Variants in TANC2 observed in about 807,000 individuals in gnomAD.
TANC2 encodes the protein protein TANC2.
In TANC2, 26 loss-of-function variants were observed where a neutral mutation model predicts 210.5. That is an observed-to-expected ratio of 0.12 (90% CI 0.09 to 0.17). The LOEUF is 0.17. Among genes scored for constraint, TANC2 ranks in the 10% least tolerant of loss-of-function variants. The pLI is 1.00. For synonymous variants in TANC2, 931 were observed against 967.1 expected, an observed-to-expected ratio of 0.96 and a Z score of 0.69; for missense variants, 2,129 against 2,608.9, an observed-to-expected ratio of 0.82 and a Z score of 4.01.
In TANC2 at chr17:63,420,646, G is replaced by C; in HGVS notation, c.4916G>C (p.Arg1639Thr). ...CCAGCTGAAAGTATGAGTGTCTATA[G>C]ATCCCAGTCTGGTTCACCCGTGCGC... Residue 1639 changes from arginine to threonine, a missense_variant, in exon 28 of 28, where the codon AGA becomes ACA. By Grantham distance (71) the Arg-to-Thr change is moderately conservative. Around this residue, in one of 5 missense-constraint regions of TANC2, gnomAD observed 584 missense variants for 627.3 expected, o/e 0.93. Transcript: ENST00000689528. The surrounding 1 kb of genome is among the most constrained non-coding windows in gnomAD (Gnocchi z 4.2). 6.2e-7 allele frequency: 1 copy of C among 1,613,856 alleles called. No homozygotes were observed. Among genetic ancestry groups the C allele is most frequent in the Non-Finnish European group, 8.5e-7 (1 of 1,179,826 alleles).
chr17:63,071,027 T>C (rs939708133), intron 2 of TANC2, among the ~76,000 whole-genome samples: 1 of 152,214 alleles, frequency 6.6e-6, no homozygotes, highest in Non-Finnish European at 1.5e-5. Context: ...GTAATTCATA[T>C]ATCAGTGTCA....
intron 14 of TANC2, among the ~76,000 whole-genome samples, chr17:63,378,830 G>C (rs2047510479): frequency 6.6e-6 from 1 of 152,172 alleles, no homozygotes; most frequent in African/African-American, 2.4e-5. Flanking sequence ...GAAAGGGTAG[G>C]GGCTTGGTAG....
intron 9 of TANC2, among the ~76,000 whole-genome samples, chr17:63,279,241 C>T (rs1223502529): frequency 2.0e-5 from 3 of 152,060 alleles, no homozygotes; most frequent in Non-Finnish European, 4.4e-5. Context: ...GAGCAGAGTT[C>T]GTCATCAAGA....
At chr17:63,141,977 A>G (rs2039307335) in intron 4 of TANC2, among the ~76,000 whole-genome samples, 1 of 152,220 alleles carries the variant, frequency 6.6e-6, no homozygotes, top group Non-Finnish European at 1.5e-5. Flanking sequence ...AACAAGGCAA[A>G]GTGTGATGAT....
chr17:63,179,925 T>G (rs2040720731), intron 5 of TANC2, among the ~76,000 whole-genome samples: 1 of 146,506 alleles, frequency 6.8e-6, no homozygotes, highest in African/African-American at 2.5e-5. Context: ...TGCAAGAGGG[T>G]CAGGAATTCA....
Position 63,412,598 on chromosome 17 carries a change from T to G in TANC2, c.3899-82T>G. On this transcript the variant is annotated intron_variant, in intron 23 of 27. Coordinates refer to ENST00000689528, the Ensembl canonical transcript of TANC2. The surrounding 1 kb of genome is among the most constrained non-coding windows in gnomAD (Gnocchi z 4.2). ...TGTGCTGCCTGCCTCTCACTGCTGCTTTTTCCTTCTTTTTTTTTTTTTCAC... is the reference window on the plus strand; with the variant it reads ...TGTGCTGCCTGCCTCTCACTGCTGCGTTTTCCTTCTTTTTTTTTTTTTCAC... 2 of 1,364,818 alleles carry G rather than the reference T, an allele frequency of 1.5e-6. No individual in the cohort carries two copies. Among genetic ancestry groups the G allele is most frequent in the Non-Finnish European group, 2.0e-6 (2 of 995,350 alleles). 84.5% of individuals were successfully genotyped at this position (1,364,818 alleles called of 1,614,324 possible). A position where few individuals can be genotyped will look rare whatever the true frequency, so the allele number is the denominator to read the frequency against.
intron 11 of TANC2, among the ~76,000 whole-genome samples, chr17:63,321,279 T>G (rs1247682074): frequency 6.6e-6 from 1 of 152,246 alleles, no homozygotes; most frequent in Non-Finnish European, 1.5e-5. Flanking sequence ...TTTTGTTTTT[T>G]GGTTTTTTAA....
intron 4 of TANC2, among the ~76,000 whole-genome samples, chr17:63,138,325 A>G (rs1372509632): frequency 2.0e-5 from 3 of 152,158 alleles, no homozygotes; most frequent in African/African-American, 4.8e-5. Context: ...CTCTTGGCCT[A>G]CCCTAATACG....
chr17:63,267,987 A>G, intron 9 of TANC2, 114 bp downstream of exon 9: 1 of 1,212,604 alleles, frequency 8.2e-7, no homozygotes, highest in Non-Finnish European at 1.1e-6. Context: ...CTAAGAAGTG[A>G]AATGATCCAT....
chr17:63,156,428 A>C (rs993130407), intron 5 of TANC2, among the ~76,000 whole-genome samples: 1 of 152,164 alleles, frequency 6.6e-6, no homozygotes, highest in East Asian at 1.9e-4. Context: ...TGGAAAAAAA[A>C]AAAGCACCTG....
chr17:63,358,360 A>G (rs2046839676), intron 14 of TANC2, among the ~76,000 whole-genome samples: 1 of 139,440 alleles, frequency 7.2e-6, no homozygotes, highest in African/African-American at 2.8e-5. Flanking sequence ...AGTGAGAGAG[A>G]GAGAGAGAGA....
At chr17:63,092,899 C>T (rs751767068) in intron 3 of TANC2, among the ~76,000 whole-genome samples, 7 of 152,056 alleles carry the variant, frequency 4.6e-5, no homozygotes, top group South Asian at 2.1e-4. Flanking sequence ...CTTAGTGAAG[C>T]GTCTGTTCAG....
chr17:63,346,360 T>C (rs1465411385), intron 12 of TANC2, among the ~76,000 whole-genome samples: 1 of 152,234 alleles, frequency 6.6e-6, no homozygotes, highest in Non-Finnish European at 1.5e-5. Flanking sequence ...ATATTCACTA[T>C]GTTTCTGTGT....
intron 2 of TANC2, among the ~76,000 whole-genome samples, chr17:63,068,101 A>G (rs937277823): frequency 1.1e-4 from 16 of 152,176 alleles, no homozygotes. Context: ...GGGGAACAAC[A>G]ATTTGAATGA....
Position 62,984,856 on chromosome 17 carries a change from C to T in TANC2, c.-24+18107C>T, listed in dbSNP as rs74969941. On this transcript the variant is annotated intron_variant, in intron 1 of 27. Transcript: ENST00000689528. ...ATTTAAATTAAAACAATGTTTTAGA[C>T]TTCTTTGTGTCCTAATTTGGTCAGT... Among the ~76,000 whole-genome samples, 27 of 152,188 alleles carry T rather than the reference C, an allele frequency of 1.8e-4. 1 individual carries two copies. Among genetic ancestry groups the T allele is most frequent in the African/African-American group, 6.5e-4 (27 of 41,544 alleles).
chr17:63,253,742 C>T (rs1008224519), intron 8 of TANC2, among the ~76,000 whole-genome samples: 1 of 152,096 alleles, frequency 6.6e-6, no homozygotes, highest in Admixed American at 6.6e-5. Flanking sequence ...CACCTCAGAC[C>T]TCGAGTAGCT....
chr17:62,986,348 C>T (rs919067557), intron 1 of TANC2, among the ~76,000 whole-genome samples: 5 of 152,110 alleles, frequency 3.3e-5, no homozygotes, highest in African/African-American at 7.2e-5. Context: ...CTGGGACGTG[C>T]CTGCCAGGAG....
intron 15 of TANC2, among the ~76,000 whole-genome samples, chr17:63,384,999 A>G (rs1224745946): frequency 6.6e-6 from 1 of 152,220 alleles, no homozygotes; most frequent in Non-Finnish European, 1.5e-5. Flanking sequence ...ACTTTAGAGT[A>G]AAAACAGATT....
At chr17:63,417,579 TA>T (rs1485706451) in intron 26 of TANC2, among the ~76,000 whole-genome samples, 3 of 151,894 alleles carry the variant, frequency 2.0e-5, no homozygotes, top group Non-Finnish European at 4.4e-5. Context: ...AGGAACCAGT[TA>T]AAAAAAGGAA....
Sources: allele counts gnomAD v4.1 joint callset (sites outside exome capture counted in the v4.1 genomes callset), GRCh38; gene constraint gnomAD v4.1.1; regional missense constraint gnomAD v4.1.1; non-coding constraint Gnocchi (gnomAD v3.1); transcripts MANE v1.5; gene names NCBI Gene and HGNC (gene_info 2026-07-23, HGNC 2026-07-21).